XPR1: variants seen among roughly 807,000 people sequenced by gnomAD.
XPR1 encodes the protein solute carrier family 53 member 1.
A neutral mutation model predicts 87.5 loss-of-function variants in XPR1; 28 were observed. The observed-to-expected ratio is 0.32, with a 90% confidence interval of 0.24 to 0.44. The LOEUF is 0.44. XPR1 is among the 20% of genes least tolerant of loss of function. The probability of loss-of-function intolerance (pLI) is 1.00; values close to 1 mark genes in which losing one functional copy is unlikely to be tolerated. For synonymous variants in XPR1, 300 were observed against 306.1 expected, an observed-to-expected ratio of 0.98 and a Z score of 0.21; for missense variants, 559 against 862.3, an observed-to-expected ratio of 0.65 and a Z score of 4.41.
Position 180,649,430 on chromosome 1 carries a change from C to CA in XPR1, c.69+17169dup, listed in dbSNP as rs1020809252. On this transcript the variant is annotated intron_variant, in intron 1 of 14. Coordinates refer to ENST00000367590, the MANE Select transcript of XPR1 (RefSeq NM_004736.4). ...TGGGTGACAGAGTGAGACTCTGTCT[C>CA]AAAAAAAAACAAAAACAAAAACAAA... Among the ~76,000 whole-genome samples the CA allele has an allele frequency of 8.7e-3, 1,264 of 145,132 alleles. 11 individuals carry two copies. The highest frequency in any genetic ancestry group is 0.027 in the African/African-American group (1,059 of 39,374).
At position 180,851,693 on chromosome 1, in the gene XPR1, A is replaced by G. The variant is rs990266347; in HGVS notation, c.1502-12015A>G. Among the ~76,000 whole-genome samples the G allele has an allele frequency of 2.6e-5, 4 of 152,278 alleles. No individual in the cohort carries two copies. The South Asian group carries it at 8.3e-4, about 32-fold the overall frequency. The stretch of plus-strand genomic sequence containing the variant: ...GATTTTTAAAAATAAGCCTAGACAC[A>G]CATACATAAGAAAGATATTGGAAGA... On this transcript the variant is annotated intron_variant, in intron 11 of 14. Coordinates refer to ENST00000367590, the MANE Select transcript of XPR1 (RefSeq NM_004736.4).
At chr1:180,675,884 G>A (rs558674583) in intron 1 of XPR1, among the ~76,000 whole-genome samples, 1 of 152,110 alleles carries the variant, frequency 6.6e-6, no homozygotes, top group Non-Finnish European at 1.5e-5. Flanking sequence ...CTTGTTCACA[G>A]GCACAGAATG....
chr1:180,632,239 C>A lies in XPR1; in HGVS notation c.38C>A (p.Pro13His). The A allele has an allele frequency of 6.2e-7, 1 of 1,612,280 alleles. No individual in the cohort carries two copies. The change falls in exon 1 of 15, where the codon CCC (proline) becomes CAC (histidine). Residue 13 changes from proline (P) to histidine (H), a missense_variant. Pro to His is a moderately conservative substitution (Grantham distance 77). This residue lies in a region of XPR1 where 159 missense variants were observed against 263.3 expected (regional missense o/e 0.60). Coordinates refer to ENST00000367590, the MANE Select transcript of XPR1 (RefSeq NM_004736.4). ...FAEHLSAHIT[P>H]EWRKQYIQYE... The stretch of plus-strand genomic sequence containing the variant: ...GAGCACCTCTCCGCGCACATCACTC[C>A]CGAGTGGAGGAAGCAATACATCCAG...
At chr1:180,838,941 A>C (rs183112317) in intron 11 of XPR1, among the ~76,000 whole-genome samples, 1 of 152,348 alleles carries the variant, frequency 6.6e-6, no homozygotes, top group East Asian at 1.9e-4. Flanking sequence ...GATCAAAGCA[A>C]CATTACAAAT....
chr1:180,878,860 C>G (rs1363039457), intron 13 of XPR1, among the ~76,000 whole-genome samples: 1 of 152,204 alleles, frequency 6.6e-6, no homozygotes, highest in Non-Finnish European at 1.5e-5. Flanking sequence ...TCCCCCCAAA[C>G]TTTTAAGTGT....
intron 3 of XPR1, among the ~76,000 whole-genome samples, chr1:180,802,520 T>C (rs899239484): frequency 6.6e-6 from 1 of 152,148 alleles, no homozygotes; most frequent in Non-Finnish European, 1.5e-5. Context: ...CTTAATGGCG[T>C]TTTTAAATTG....
intron 1 of XPR1, among the ~76,000 whole-genome samples, chr1:180,667,250 G>C (rs145954866): frequency 6.6e-6 from 1 of 152,100 alleles, no homozygotes; most frequent in East Asian, 1.9e-4. Flanking sequence ...GGGTTTTTCA[G>C]ATATGGCTTT....
chr1:180,715,417 T>C (rs1028933649), intron 2 of XPR1, among the ~76,000 whole-genome samples: 6 of 152,154 alleles, frequency 3.9e-5, no homozygotes, highest in African/African-American at 1.4e-4. Context: ...ATCTTAGAGA[T>C]TGCCTTATTT....
intron 11 of XPR1, among the ~76,000 whole-genome samples, chr1:180,850,428 AC>A (rs1379033096): frequency 6.6e-6 from 1 of 152,088 alleles, no homozygotes; most frequent in Non-Finnish European, 1.5e-5. Flanking sequence ...GTTATTTCTC[AC>A]ATTTCTAGAA....
At position 180,885,971 on chromosome 1, in the gene XPR1, G is replaced by A. The variant is rs1652996054; in HGVS notation, c.*1905G>A. On this transcript the variant is annotated 3_prime_UTR_variant, in exon 15 of 15. Coordinates refer to ENST00000367590, the MANE Select transcript of XPR1 (RefSeq NM_004736.4). ...AAAATGTGTTCCCTTTTTGAATCGA[G>A]GTTTTTTTGTTTTGTTTTGTTTTCT... The A allele has an allele frequency of 6.6e-6, 1 of 151,972 alleles. No individual in the cohort carries two copies. Among genetic ancestry groups the A allele is most frequent in the African/African-American group, 2.4e-5 (1 of 41,394 alleles). 9.4% of individuals were successfully genotyped at this position (151,972 alleles called of 1,614,324 possible).
At chr1:180,676,466 G>C (rs181896885) in intron 1 of XPR1, among the ~76,000 whole-genome samples, 1 of 151,896 alleles carries the variant, frequency 6.6e-6, no homozygotes, top group Non-Finnish European at 1.5e-5. Context: ...CATTTTTCTG[G>C]TACTTTTTTT....
chr1:180,820,357 A>C (rs1291217356), intron 7 of XPR1, among the ~76,000 whole-genome samples: 1 of 152,152 alleles, frequency 6.6e-6, no homozygotes, highest in African/African-American at 2.4e-5. Flanking sequence ...GGGTATGTCC[A>C]TAAATGGTGT....
intron 2 of XPR1, among the ~76,000 whole-genome samples, chr1:180,695,042 A>G (rs181871901): frequency 1.3e-5 from 2 of 152,172 alleles, no homozygotes; most frequent in East Asian, 3.9e-4. Flanking sequence ...TTTTCTCTGC[A>G]TCTTCAGCAG....
In XPR1 at chr1:180,704,786, T is replaced by A. The variant is rs1174899915; in HGVS notation, c.121+22375T>A. On this transcript the variant is annotated intron_variant, in intron 2 of 14. Transcript: ENST00000367590. Reference sequence around the variant, plus strand: ...TATATTTCCAGCCTGGGACCTCCAATCAGCCATTTTTCCAGGGACTGTTGG... The same window carrying A: ...TATATTTCCAGCCTGGGACCTCCAAACAGCCATTTTTCCAGGGACTGTTGG... Among the ~76,000 whole-genome samples the A allele has an allele frequency of 3.5e-5, 5 of 143,582 alleles. No homozygotes were observed. The East Asian group carries it at 1.0e-3, about 30-fold the overall frequency. The allele number at this position is 143,582 out of a possible 152,430, so 94.2% of individuals were successfully genotyped here.
chr1:180,855,676 A>C (rs1474464316), intron 11 of XPR1, among the ~76,000 whole-genome samples: 2 of 148,056 alleles, frequency 1.4e-5, no homozygotes, highest in East Asian at 4.2e-4. Context: ...AAAAAAAAAA[A>C]AGTGGGGGGA....
intron 3 of XPR1, among the ~76,000 whole-genome samples, chr1:180,790,490 T>G (rs1649329722): frequency 6.6e-6 from 1 of 152,162 alleles, no homozygotes; most frequent in African/African-American, 2.4e-5. Flanking sequence ...ATGGCATATA[T>G]GCATGTCTCT....
At position 180,885,098 on chromosome 1, in the gene XPR1, G is replaced by C. The variant is rs556213837; in HGVS notation, c.*1032G>C. The stretch of plus-strand genomic sequence containing the variant: ...CATCCACATGTATGGTCCCTGTAGC[G>C]TGACCTTTACTAGCTCTGAATCAGA... On this transcript the variant is annotated 3_prime_UTR_variant, in exon 15 of 15. Coordinates refer to ENST00000367590, the MANE Select transcript of XPR1 (RefSeq NM_004736.4). 5 of 152,672 alleles carry C rather than the reference G, an allele frequency of 3.3e-5. No homozygotes were observed. Among genetic ancestry groups the C allele is most frequent in the African/African-American group, 1.2e-4 (5 of 41,560 alleles). 9.5% of individuals were successfully genotyped at this position (152,672 alleles called of 1,614,324 possible).
At chr1:180,688,912 G>T (rs967566248) in intron 2 of XPR1, among the ~76,000 whole-genome samples, 1 of 151,846 alleles carries the variant, frequency 6.6e-6, no homozygotes, top group African/African-American at 2.4e-5. Flanking sequence ...TTTGAAATTA[G>T]ATATATATAA....
intron 2 of XPR1, among the ~76,000 whole-genome samples, chr1:180,729,803 T>C (rs1372055777): frequency 2.0e-5 from 3 of 152,204 alleles, no homozygotes; most frequent in Non-Finnish European, 4.4e-5. Flanking sequence ...TATTAGACTT[T>C]GGTTGGATGC....
Sources: allele counts gnomAD v4.1 joint callset (sites outside exome capture counted in the v4.1 genomes callset), GRCh38; gene constraint gnomAD v4.1.1; regional missense constraint gnomAD v4.1.1; transcripts MANE v1.5; gene names NCBI Gene and HGNC (gene_info 2026-07-23, HGNC 2026-07-21).